Variants in NAALADL2 observed in about 807,000 individuals in gnomAD.
NAALADL2 encodes N-acetylated alpha-linked acidic dipeptidase like 2.
In NAALADL2, 76 loss-of-function variants were observed where a neutral mutation model predicts 87.2. That is an observed-to-expected ratio of 0.87 (90% confidence interval 0.72 to 1.05). NAALADL2 has a LOEUF of 1.05. Ranked by LOEUF, NAALADL2 falls within the 50% of genes least tolerant of loss-of-function variation. The probability of loss-of-function intolerance (pLI) is 0.00; values close to 1 mark genes in which losing one functional copy is unlikely to be tolerated. For missense variants in NAALADL2, 1,089 were observed against 945.8 expected (o/e 1.15, Z -1.99); for synonymous variants, 354 against 331.0 (o/e 1.07, Z -0.75).
intron 2 of NAALADL2, among the ~76,000 whole-genome samples, chr3:175,112,225 T>C (rs1724309882): frequency 6.6e-6 from 1 of 151,438 alleles, no homozygotes; most frequent in Non-Finnish European, 1.5e-5. Context: ...GCCCAGCCCA[T>C]GTCTCTTCTT....
Position 175,362,263 on chromosome 3 carries a change from A to T in NAALADL2, c.1090+37938A>T, listed in dbSNP as rs975501998. On this transcript the variant is annotated intron_variant, in intron 5 of 13. Coordinates refer to ENST00000454872, the MANE Select transcript of NAALADL2 (RefSeq NM_207015.3). Reference sequence around the variant, plus strand: ...GTACCAGTACCATGCTGTTTTGGTTACTGTAGCCTTGTTGTATAGTTTGAA... The same window carrying T: ...GTACCAGTACCATGCTGTTTTGGTTTCTGTAGCCTTGTTGTATAGTTTGAA... Among the ~76,000 whole-genome samples the T allele has an allele frequency of 4.5e-4, 67 of 148,304 alleles. 11 individuals carry two copies. Among genetic ancestry groups the T allele is most frequent in the Non-Finnish European group, 8.1e-4 (54 of 66,614 alleles).
intron 9 of NAALADL2, among the ~76,000 whole-genome samples, chr3:175,493,801 T>C (rs16825844): frequency 0.1 from 15,524 of 152,134 alleles, 990 homozygotes; most frequent in African/African-American, 0.17. Flanking sequence ...TTGGATGCCT[T>C]ATTAAAAACT....
intron 3 of NAALADL2, among the ~76,000 whole-genome samples, chr3:174,795,344 T>G (rs925563876): frequency 6.6e-6 from 1 of 152,090 alleles, no homozygotes; most frequent in Admixed American, 6.6e-5. Context: ...AGTATAATGG[T>G]GTGGCTAATT....
chr3:175,758,072 C>G (rs957050714), intron 13 of NAALADL2, among the ~76,000 whole-genome samples: 3 of 151,924 alleles, frequency 2.0e-5, no homozygotes, highest in African/African-American at 7.2e-5. Context: ...TTTTATTATC[C>G]GTTCAAAAAT....
At chr3:174,872,389 G>C (rs780831135) in intron 1 of NAALADL2, among the ~76,000 whole-genome samples, 1 of 152,082 alleles carries the variant, frequency 6.6e-6, no homozygotes, top group African/African-American at 2.4e-5. Flanking sequence ...TGGCAGAGCC[G>C]GGATTCGGGA....
At position 175,210,068 on chromosome 3, in the gene NAALADL2, A is replaced by G. The variant is rs73043298; in HGVS notation, c.546-23863A>G. Reference sequence around the variant, plus strand: ...TTAAAAATTGCAATACGCATAACAGAAATATGATGGATATATGTAATGTAA... The same window carrying G: ...TTAAAAATTGCAATACGCATAACAGGAATATGATGGATATATGTAATGTAA... On this transcript the variant is annotated intron_variant, in intron 2 of 13. Transcript: ENST00000454872. 8.2e-3 allele frequency among the ~76,000 whole-genome samples: 1,249 copies of G among 151,900 alleles called. 18 individuals carry two copies. Among genetic ancestry groups the G allele is most frequent in the African/African-American group, 0.028 (1,175 of 41,518 alleles).
intron 1 of NAALADL2, among the ~76,000 whole-genome samples, chr3:175,029,127 C>T (rs1017091647): frequency 2.0e-5 from 3 of 151,452 alleles, no homozygotes; most frequent in Admixed American, 6.6e-5. Context: ...AACCAATAGT[C>T]CCCAAATCCA....
chr3:174,498,852 G>A (rs1718713436), intron 1 of NAALADL2, among the ~76,000 whole-genome samples: 1 of 151,778 alleles, frequency 6.6e-6, no homozygotes, highest in African/African-American at 2.4e-5. Context: ...TGTCGAACAT[G>A]TTTACATTTG....
chr3:174,613,095 C>A (rs1374641268), intron 2 of NAALADL2, among the ~76,000 whole-genome samples: 1 of 152,180 alleles, frequency 6.6e-6, no homozygotes. Context: ...CTTTGGATTG[C>A]CAGGCAGAGA....
chr3:174,926,787 A>G (rs1308794577), intron 1 of NAALADL2, among the ~76,000 whole-genome samples: 1 of 152,180 alleles, frequency 6.6e-6, no homozygotes, highest in Non-Finnish European at 1.5e-5. Flanking sequence ...CTAGGAAGAA[A>G]CTGCATCAAC....
At chr3:174,496,445 T>C (rs1215649873) in intron 1 of NAALADL2, among the ~76,000 whole-genome samples, 1 of 151,054 alleles carries the variant, frequency 6.6e-6, no homozygotes, top group East Asian at 1.9e-4. Context: ...ATGTTAAAGA[T>C]ATGTATTCAT....
At chr3:174,929,349 G>A (rs1036651414) in intron 1 of NAALADL2, among the ~76,000 whole-genome samples, 4 of 152,130 alleles carry the variant, frequency 2.6e-5, no homozygotes, top group Non-Finnish European at 5.9e-5. Flanking sequence ...CTGTATCTGA[G>A]GAAATAATGA....
At chr3:175,663,954 T>C (rs2149818756) in intron 11 of NAALADL2, among the ~76,000 whole-genome samples, 1 of 152,168 alleles carries the variant, frequency 6.6e-6, no homozygotes, top group South Asian at 2.1e-4. Flanking sequence ...TGATTAATCC[T>C]TTTGAGACAA....
intron 13 of NAALADL2, among the ~76,000 whole-genome samples, chr3:175,773,824 G>C (rs1397462546): frequency 6.6e-6 from 1 of 152,072 alleles, no homozygotes; most frequent in African/African-American, 2.4e-5. Context: ...TGATTGAAAA[G>C]CAATGAGTTG....
chr3:174,888,879 A>C (rs1158606753), intron 1 of NAALADL2, among the ~76,000 whole-genome samples: 1 of 152,222 alleles, frequency 6.6e-6, no homozygotes, highest in Non-Finnish European at 1.5e-5. Context: ...ACAAGTTATT[A>C]CAGTGTTGTC....
At chr3:175,310,657 A>T (rs768412378) in intron 4 of NAALADL2, among the ~76,000 whole-genome samples, 12 of 151,988 alleles carry the variant, frequency 7.9e-5, no homozygotes, top group Admixed American at 5.9e-4. Flanking sequence ...GAAGAGCTCT[A>T]TACTTTTTAT....
intron 4 of NAALADL2, among the ~76,000 whole-genome samples, chr3:175,286,907 T>C (rs1394901051): frequency 2.0e-5 from 3 of 149,398 alleles, no homozygotes; most frequent in Non-Finnish European, 4.4e-5. Flanking sequence ...GGCAACATAG[T>C]GAGACTCTAT....
chr3:175,667,646 G>T (rs1733379171), intron 11 of NAALADL2, among the ~76,000 whole-genome samples: 1 of 151,884 alleles, frequency 6.6e-6, no homozygotes, highest in Non-Finnish European at 1.5e-5. Context: ...ACAATAAACT[G>T]GAAGTTAGAA....
Position 175,381,794 on chromosome 3 carries a change from G to A in NAALADL2, c.1090+57469G>A, listed in dbSNP as rs369590554. Among the ~76,000 whole-genome samples the A allele has an allele frequency of 2.1e-4, 32 of 152,224 alleles. 1 individual carries two copies. The highest frequency in any genetic ancestry group is 4.6e-4 in the Admixed American group (7 of 15,294). ...AGCTGAGTGTAAGTTTTTGTGTGAC[G>A]TGTGTCTCATTGTGGAGCAACAAGT... On this transcript the variant is annotated intron_variant, in intron 5 of 13. Coordinates refer to ENST00000454872, the MANE Select transcript of NAALADL2 (RefSeq NM_207015.3).
Sources: gnomAD v4.1 joint callset for allele counts (sites outside exome capture counted in the v4.1 genomes callset) on GRCh38, gnomAD v4.1.1 for gene constraint, MANE v1.5 for transcripts, NCBI Gene and HGNC (gene_info 2026-07-23, HGNC 2026-07-21) for gene names.